The following ILKAP variants were observed in gnomAD, a reference collection of about 807,000 sequenced individuals.
ILKAP encodes the protein ILK associated serine/threonine phosphatase.
A neutral mutation model predicts 49.1 loss-of-function variants in ILKAP; 11 were observed. The ratio of observed to expected loss-of-function variants is 0.22; its 90% CI spans 0.14 to 0.37. The LOEUF (loss-of-function observed/expected upper bound fraction) is 0.37. Ranked by LOEUF, ILKAP falls within the 10% of genes least tolerant of loss-of-function variation. The pLI, the probability that ILKAP is intolerant of heterozygous loss-of-function variation, is 1.00. For synonymous variants in ILKAP, 186 were observed against 192.8 expected (o/e 0.96, Z 0.29); for missense variants, 363 against 510.8 (o/e 0.71, Z 2.79).
chr2:238,203,527 C>A lies in ILKAP; in HGVS notation c.27G>T (p.Glu9Asp). The A allele has an allele frequency of 8.1e-7, 1 of 1,235,480 alleles. No individual in the cohort carries two copies. Among genetic ancestry groups the A allele is most frequent in the Non-Finnish European group, 1.0e-6 (1 of 982,662 alleles). 76.5% of individuals were successfully genotyped at this position (1,235,480 alleles called of 1,614,324 possible). A position where few individuals can be genotyped will look rare whatever the true frequency, so the allele number is the denominator to read the frequency against. ...CAGCCGGGCGCGGCGAGCGCTCGGG[C>A]TCCGGCAGGTCCCCGAAGAGGTCCA... MDLFGDLP[E>D]PERSPRPAAG... Residue 9 changes from glutamate (E) to aspartate (D), a missense_variant, in exon 1 of 12, where the codon GAG becomes GAT. Physicochemically the swap from Glu to Asp is conservative, Grantham distance 45. Around this residue, in one of 3 missense-constraint regions of ILKAP, gnomAD observed 114 missense variants for 116.0 expected, o/e 0.98. Coordinates refer to ENST00000254654, the MANE Select transcript of ILKAP (RefSeq NM_030768.3).
intron 1 of ILKAP, among the ~76,000 whole-genome samples, chr2:238,202,439 A>G (rs1194185064): frequency 6.6e-6 from 1 of 152,164 alleles, no homozygotes; most frequent in Non-Finnish European, 1.5e-5. Context: ...TAGAAAGCGA[A>G]GGCTGGGCCT....
At chr2:238,187,231 C>A (rs13388597) in intron 5 of ILKAP, among the ~76,000 whole-genome samples, 1 of 152,168 alleles carries the variant, frequency 6.6e-6, no homozygotes, top group Non-Finnish European at 1.5e-5. Flanking sequence ...CCAGCCTGAG[C>A]AAGACAGCAA....
chr2:238,183,613 A>G, intron 8 of ILKAP, 40 bp downstream of exon 8: 1 of 1,386,520 alleles, frequency 7.2e-7, no homozygotes, highest in East Asian at 2.3e-5. Flanking sequence ...TCCCCATAAA[A>G]CGTATTGTCA....
At position 238,188,276 on chromosome 2, in the gene ILKAP, A is replaced by T; in HGVS notation, c.299-19T>A. On this transcript the variant is annotated intron_variant, in intron 4 of 11. Coordinates refer to ENST00000254654, the MANE Select transcript of ILKAP (RefSeq NM_030768.3). Reference sequence around the variant, plus strand: ...GAAGAGGCTAAGGAAAAGAGAACAAAAGAGCCAATACAAAACTGTGCCCAA... The same window carrying T: ...GAAGAGGCTAAGGAAAAGAGAACAATAGAGCCAATACAAAACTGTGCCCAA... The T allele has an allele frequency of 3.7e-6, 6 of 1,611,292 alleles. No homozygotes were observed. The highest frequency in any genetic ancestry group is 1.3e-5 in the African/African-American group (1 of 74,976).
intron 1 of ILKAP, among the ~76,000 whole-genome samples, chr2:238,200,416 C>T (rs979957497): frequency 6.6e-6 from 1 of 152,162 alleles, no homozygotes; most frequent in African/African-American, 2.4e-5. Context: ...AAGATCTAAA[C>T]AAAATATTAA....
At chr2:238,172,599 C>T (rs1693273563) in intron 10 of ILKAP, among the ~76,000 whole-genome samples, 1 of 152,308 alleles carries the variant, frequency 6.6e-6, no homozygotes, top group South Asian at 2.1e-4. Context: ...ATGGAGGACC[C>T]CGCGGTACGT....
Position 238,188,395 on chromosome 2 carries a change from C to A in ILKAP, c.299-138G>T, listed in dbSNP as rs1693990632. 6 of 986,240 alleles carry A rather than the reference C, an allele frequency of 6.1e-6. No individual in the cohort carries two copies. The Admixed American group carries it at 1.4e-4, about 23-fold the overall frequency. 61.1% of individuals were successfully genotyped at this position (986,240 alleles called of 1,614,324 possible). A position where few individuals can be genotyped will look rare whatever the true frequency, so the allele number is the denominator to read the frequency against. On this transcript the variant is annotated intron_variant, in intron 4 of 11. Coordinates refer to ENST00000254654, the MANE Select transcript of ILKAP (RefSeq NM_030768.3). Reference sequence around the variant, plus strand: ...ATGGCGCAAACAAATAAGCAATACCCCTTAAGGCATCTCCCCCAGCTGCAA... The same window carrying A: ...ATGGCGCAAACAAATAAGCAATACCACTTAAGGCATCTCCCCCAGCTGCAA...
intron 5 of ILKAP, among the ~76,000 whole-genome samples, chr2:238,187,800 G>C (rs1211626966): frequency 6.6e-6 from 1 of 152,172 alleles, no homozygotes; most frequent in Non-Finnish European, 1.5e-5. Context: ...CGCTCAGCAG[G>C]GCTGCTCAAC....
chr2:238,184,802 A>C (rs1158903951), intron 6 of ILKAP, among the ~76,000 whole-genome samples: 1 of 151,766 alleles, frequency 6.6e-6, no homozygotes, highest in African/African-American at 2.4e-5. Context: ...GGCTTGAGTG[A>C]TCTTCTGGCC....
At chr2:238,175,742 C>T (rs1446960987) in intron 9 of ILKAP, among the ~76,000 whole-genome samples, 1 of 152,198 alleles carries the variant, frequency 6.6e-6, no homozygotes, top group Non-Finnish European at 1.5e-5. Flanking sequence ...CCACAGGCTT[C>T]GTCCTTCCCA....
intron 9 of ILKAP, among the ~76,000 whole-genome samples, chr2:238,178,363 A>AT (rs1330029248): frequency 3.9e-5 from 6 of 152,038 alleles, no homozygotes; most frequent in South Asian, 4.1e-4. Flanking sequence ...TGCCATTTTT[A>AT]TTTTTTGTAG....
Position 238,184,067 on chromosome 2 carries a change from G to A in ILKAP, c.579C>T (p.Asp193=). The change falls in exon 7 of 12, where the codon GAC becomes GAT. Residue 193 remains aspartate, a synonymous_variant. Transcript: ENST00000254654. ...ACTCTTCATCAGTATGCTTGAAAGT[G>A]TCCAAAAGGCATCTCTTCACGGTTT... ...VEKTVKRCLL[D]TFKHTDEEFL... 1 of 1,611,562 alleles carries A rather than the reference G, an allele frequency of 6.2e-7. No individual in the cohort carries two copies.
chr2:238,170,711 G>A (rs1261943884), intron 11 of ILKAP, 35 bp from the exon 12 acceptor site: 2 of 1,597,678 alleles, frequency 1.3e-6, no homozygotes, highest in Non-Finnish European at 1.7e-6. Context: ...TGAATGGAGT[G>A]ACCCCGCACC....
intron 9 of ILKAP, among the ~76,000 whole-genome samples, chr2:238,180,075 G>A (rs1693623594): frequency 6.6e-6 from 1 of 152,058 alleles, no homozygotes; most frequent in African/African-American, 2.4e-5. Flanking sequence ...GGAGGCTGAG[G>A]CTGGAGGATC....
chr2:238,202,197 G>C (rs1465586272), intron 1 of ILKAP, among the ~76,000 whole-genome samples: 2 of 152,170 alleles, frequency 1.3e-5, no homozygotes, highest in Admixed American at 1.3e-4. Context: ...CAGCCTGGGC[G>C]ACAAGAGTGA....
chr2:238,171,570 C>T (rs908868920), intron 10 of ILKAP, among the ~76,000 whole-genome samples: 4 of 152,208 alleles, frequency 2.6e-5, no homozygotes, highest in Non-Finnish European at 2.9e-5. Context: ...TCCTTCTCTT[C>T]GCCAATTAAC....
chr2:238,186,731 C>A (rs1693922815), intron 5 of ILKAP: 1 of 151,458 alleles, frequency 6.6e-6, no homozygotes, highest in African/African-American at 2.4e-5. Context: ...CAAAAATGCC[C>A]ACGAGAAATG....
chr2:238,184,176 G>T, intron 6 of ILKAP, 63 bp from the exon 7 acceptor site: 1 of 931,896 alleles, frequency 1.1e-6, no homozygotes, highest in Non-Finnish European at 1.8e-6. Context: ...TCCTCCCACT[G>T]TCATTTTGGT....
chr2:238,198,832 C>T (rs1191643807), intron 1 of ILKAP, among the ~76,000 whole-genome samples: 2 of 151,934 alleles, frequency 1.3e-5, no homozygotes, highest in Non-Finnish European at 2.9e-5. Flanking sequence ...GTTGCTGTAT[C>T]CAATAAAGTT....
Sources: gnomAD v4.1 joint callset for allele counts (sites outside exome capture counted in the v4.1 genomes callset) on GRCh38, gnomAD v4.1.1 for gene constraint, gnomAD v4.1.1 regional missense constraint, MANE v1.5 for transcripts, NCBI Gene and HGNC (gene_info 2026-07-23, HGNC 2026-07-21) for gene names.